The following DPP10 variants were observed in gnomAD, a reference collection of about 807,000 sequenced individuals.
DPP10 encodes inactive dipeptidyl peptidase 10.
In DPP10, 33 loss-of-function variants were observed where a neutral mutation model predicts 120.9. The ratio of observed to expected loss-of-function variants is 0.27; its 90% CI spans 0.21 to 0.37. The LOEUF (loss-of-function observed/expected upper bound fraction) is 0.37. Among genes scored for constraint, DPP10 ranks in the 10% least tolerant of loss-of-function variants. The pLI, the probability that DPP10 is intolerant of heterozygous loss-of-function variation, is 1.00. For missense variants in DPP10, 816 were observed against 942.8 expected, an observed-to-expected ratio of 0.87 and a Z score of 1.76; for synonymous variants, 337 against 326.1, an observed-to-expected ratio of 1.03 and a Z score of -0.36.
At chr2:115,581,164 A>G (rs2081983997) in intron 5 of DPP10, among the ~76,000 whole-genome samples, 1 of 152,180 alleles carries the variant, frequency 6.6e-6, no homozygotes, top group South Asian at 2.1e-4. Context: ...TTGGTGGAGA[A>G]GCTGATGCAC....
intron 1 of DPP10, among the ~76,000 whole-genome samples, chr2:114,452,295 A>G (rs142077545): frequency 6.6e-6 from 1 of 152,168 alleles, no homozygotes; most frequent in Non-Finnish European, 1.5e-5. Flanking sequence ...TTCTCTGATT[A>G]CATATCCTAT....
chr2:115,350,571 T>A (rs2106299039), intron 3 of DPP10, among the ~76,000 whole-genome samples: 1 of 152,216 alleles, frequency 6.6e-6, no homozygotes, highest in African/African-American at 2.4e-5. Context: ...ATTCTGCCTG[T>A]GCCTTTTTTC....
intron 1 of DPP10, among the ~76,000 whole-genome samples, chr2:114,457,809 C>G (rs190167550): frequency 1.3e-3 from 194 of 152,272 alleles, no homozygotes; most frequent in African/African-American, 4.3e-3. Flanking sequence ...CATTTCTGCT[C>G]CTATCCCTGC....
chr2:114,969,602 G>C (rs1351211156), intron 1 of DPP10, among the ~76,000 whole-genome samples: 4 of 152,132 alleles, frequency 2.6e-5, no homozygotes, highest in Admixed American at 6.5e-5. Context: ...TCTGTATTCT[G>C]TCTTCCTTGG....
At chr2:115,256,690 T>C (rs547992020) in intron 1 of DPP10, among the ~76,000 whole-genome samples, 1 of 152,344 alleles carries the variant, frequency 6.6e-6, no homozygotes, top group African/African-American at 2.4e-5. Context: ...TTTTGAGTCA[T>C]GCAAATGTAT....
chr2:115,085,327 C>T (rs887088562), intron 1 of DPP10, among the ~76,000 whole-genome samples: 2 of 151,418 alleles, frequency 1.3e-5, no homozygotes, highest in East Asian at 1.9e-4. Flanking sequence ...TGTGTGAGCA[C>T]GTGTGTGTGT....
intron 1 of DPP10, among the ~76,000 whole-genome samples, chr2:115,191,304 A>G (rs928093363): frequency 2.6e-5 from 4 of 152,224 alleles, no homozygotes; most frequent in African/African-American, 4.8e-5. Flanking sequence ...CTCTAGGAGG[A>G]CAAGATTTCC....
chr2:114,920,349 T>TC (rs1440286161), intron 1 of DPP10, among the ~76,000 whole-genome samples: 26 of 152,308 alleles, frequency 1.7e-4, no homozygotes, highest in African/African-American at 6.3e-4. Flanking sequence ...CAGCTGTGAC[T>TC]CATACCTCTA....
At position 115,751,934 on chromosome 2, in the gene DPP10, G is replaced by A. The variant is rs558644087; in HGVS notation, c.951-1240G>A. ...CAGCTTCAGCCTCCCGAGTAGCTGG[G>A]ATTATAGGCATGTGCCACAACACCC... On this transcript the variant is annotated intron_variant, in intron 10 of 25. Coordinates refer to ENST00000410059, the MANE Select transcript of DPP10 (RefSeq NM_020868.6). Among the ~76,000 whole-genome samples the A allele has an allele frequency of 1.4e-4, 21 of 151,642 alleles. No individual in the cohort carries two copies. The South Asian group carries it at 4.4e-3, about 32-fold the overall frequency.
chr2:115,512,892 C>A (rs1267468573), intron 4 of DPP10, among the ~76,000 whole-genome samples: 1 of 151,964 alleles, frequency 6.6e-6, no homozygotes, highest in Admixed American at 6.6e-5. Flanking sequence ...TCTGTAAGAT[C>A]TTTTTGCTTT....
chr2:114,705,576 T>C (rs901880505), intron 1 of DPP10, among the ~76,000 whole-genome samples: 1 of 152,144 alleles, frequency 6.6e-6, no homozygotes, highest in African/African-American at 2.4e-5. Context: ...AACACCAATA[T>C]ATCTTGTTAT....
intron 1 of DPP10, among the ~76,000 whole-genome samples, chr2:114,447,350 G>A (rs1041020182): frequency 3.3e-5 from 5 of 151,984 alleles, no homozygotes; most frequent in Admixed American, 6.6e-5. Flanking sequence ...ACAAACCTGC[G>A]TTTCACATAG....
chr2:115,512,475 CT>C (rs982119540), intron 4 of DPP10, among the ~76,000 whole-genome samples: 13 of 151,854 alleles, frequency 8.6e-5, no homozygotes, highest in South Asian at 2.1e-4. Flanking sequence ...TTTCTTCTTT[CT>C]TTTTTTCCTC....
chr2:115,357,977 G>A (rs2064515032), intron 3 of DPP10, among the ~76,000 whole-genome samples: 1 of 152,030 alleles, frequency 6.6e-6, no homozygotes, highest in Admixed American at 6.6e-5. Flanking sequence ...ACAGCAGGGG[G>A]GCCTTGGACC....
intron 5 of DPP10, among the ~76,000 whole-genome samples, chr2:115,614,956 AT>A (rs1238568191): frequency 6.6e-6 from 1 of 152,160 alleles, no homozygotes; most frequent in Non-Finnish European, 1.5e-5. Context: ...CTATCTGTGC[AT>A]TTTTATCTGC....
chr2:115,122,113 G>A (rs559230031), intron 1 of DPP10, among the ~76,000 whole-genome samples: 1 of 152,222 alleles, frequency 6.6e-6, no homozygotes, highest in East Asian at 1.9e-4. Context: ...GCAGACTGGA[G>A]TGAACAGAGT....
At chr2:115,214,146 G>A (rs1449750763) in intron 1 of DPP10, among the ~76,000 whole-genome samples, 1 of 152,194 alleles carries the variant, frequency 6.6e-6, no homozygotes, top group East Asian at 1.9e-4. Flanking sequence ...GTGGCCTGGA[G>A]AGTGCCATGC....
At chr2:114,740,159 A>G (rs1677882259) in intron 1 of DPP10, among the ~76,000 whole-genome samples, 1 of 151,558 alleles carries the variant, frequency 6.6e-6, no homozygotes, top group African/African-American at 2.4e-5. Context: ...CATATACACC[A>G]TGGAATACTA....
chr2:115,121,931 T>A (rs2104740660), intron 1 of DPP10, among the ~76,000 whole-genome samples: 1 of 152,308 alleles, frequency 6.6e-6, no homozygotes, highest in East Asian at 1.9e-4. Context: ...AAAACTAGAT[T>A]TTTGCTTTAA....
Sources: gnomAD v4.1 joint callset for allele counts (sites outside exome capture counted in the v4.1 genomes callset) on GRCh38, gnomAD v4.1.1 for gene constraint, MANE v1.5 for transcripts, NCBI Gene and HGNC (gene_info 2026-07-23, HGNC 2026-07-21) for gene names.